Variants in SPAG16 observed in about 807,000 individuals in gnomAD.
The protein encoded by SPAG16 is sperm associated antigen 16.
SPAG16 carries 86 observed loss-of-function variants against 80.4 expected under a neutral mutation model. The observed-to-expected ratio is 1.07, with a 90% CI of 0.90 to 1.28. The LOEUF is 1.28. Among genes scored for constraint, SPAG16 ranks in the 50% most tolerant of loss-of-function variants. SPAG16 has a pLI of 0.00. For synonymous variants in SPAG16, 294 were observed against 265.9 expected (o/e 1.11, Z -1.03); for missense variants, 870 against 765.3 (o/e 1.14, Z -1.61).
chr2:214,185,164 A>G (rs1358531851), intron 15 of SPAG16, among the ~76,000 whole-genome samples: 1 of 152,136 alleles, frequency 6.6e-6, no homozygotes, highest in East Asian at 1.9e-4. Flanking sequence ...CTAGAGGCTC[A>G]CTGCTTTCTA....
intron 10 of SPAG16, among the ~76,000 whole-genome samples, chr2:213,572,953 T>C (rs962591210): frequency 9.2e-5 from 14 of 152,210 alleles, no homozygotes; most frequent in African/African-American, 3.4e-4. Context: ...CGCCGCTTTT[T>C]AAGCCGGTCT....
intron 15 of SPAG16, among the ~76,000 whole-genome samples, chr2:214,301,666 CTTT>C (rs1433309615): frequency 1.3e-5 from 2 of 151,954 alleles, no homozygotes; most frequent in African/African-American, 4.8e-5. Flanking sequence ...TTAGAATCTT[CTTT>C]ATTTCTTGGT....
chr2:213,287,844 C>T (rs1244277840), intron 1 of SPAG16, among the ~76,000 whole-genome samples: 1 of 152,118 alleles, frequency 6.6e-6, no homozygotes, highest in East Asian at 1.9e-4. Context: ...ATACTGAGGA[C>T]TGTAATTGAA....
chr2:213,341,722 T>C (rs1296462701), intron 6 of SPAG16, among the ~76,000 whole-genome samples: 1 of 152,000 alleles, frequency 6.6e-6, no homozygotes, highest in African/African-American at 2.4e-5. Context: ...AATTTTTTTG[T>C]AGTGATGGGG....
intron 11 of SPAG16, among the ~76,000 whole-genome samples, chr2:213,910,465 A>T (rs1243798654): frequency 6.6e-6 from 1 of 152,190 alleles, no homozygotes; most frequent in East Asian, 1.9e-4. Context: ...GGAAATAATT[A>T]AAAATTTGCT....
chr2:213,437,873 C>T (rs1034692795), intron 9 of SPAG16, among the ~76,000 whole-genome samples: 4 of 152,172 alleles, frequency 2.6e-5, no homozygotes, highest in African/African-American at 7.2e-5. Context: ...ATAGCTCTGT[C>T]GCTCTTAAAC....
At chr2:213,466,243 A>T (rs749752582) in intron 9 of SPAG16, among the ~76,000 whole-genome samples, 1 of 152,170 alleles carries the variant, frequency 6.6e-6, no homozygotes, top group Admixed American at 6.5e-5. Flanking sequence ...AGTCCCCTTT[A>T]TATATACATC....
intron 10 of SPAG16, among the ~76,000 whole-genome samples, chr2:213,700,070 T>A (rs1378270858): frequency 1.3e-5 from 2 of 152,204 alleles, no homozygotes; most frequent in Non-Finnish European, 2.9e-5. Flanking sequence ...TGTGGTAATA[T>A]ATTATCATAT....
intron 15 of SPAG16, chr2:214,280,784 T>C (rs1043230906): frequency 2.2e-6 from 1 of 457,174 alleles, no homozygotes; most frequent in African/African-American, 2.0e-5. Flanking sequence ...GATTCTCTCA[T>C]ATAGCAGCAT....
At chr2:213,887,239 T>G (rs371856089) in intron 11 of SPAG16, among the ~76,000 whole-genome samples, 124 of 152,222 alleles carry the variant, frequency 8.1e-4, no homozygotes, top group East Asian at 6.9e-3. Flanking sequence ...TCCATTCATG[T>G]TGTTTCTCTG....
At chr2:213,688,045 T>TTTTA (rs2064768097) in intron 10 of SPAG16, among the ~76,000 whole-genome samples, 1 of 152,158 alleles carries the variant, frequency 6.6e-6, no homozygotes, top group East Asian at 1.9e-4. Flanking sequence ...GAGACATCAA[T>TTTTA]CAAATACATT....
intron 10 of SPAG16, among the ~76,000 whole-genome samples, chr2:213,533,600 T>C (rs978844129): frequency 1.3e-5 from 2 of 152,194 alleles, no homozygotes; most frequent in African/African-American, 4.8e-5. Flanking sequence ...TGCCAATTTT[T>C]CTGTCTTTGA....
intron 14 of SPAG16, among the ~76,000 whole-genome samples, chr2:214,120,707 G>T (rs1274962754): frequency 2.0e-5 from 3 of 151,780 alleles, no homozygotes; most frequent in Non-Finnish European, 3.0e-5. Flanking sequence ...CTACTGTGCT[G>T]GATCCTACTT....
intron 10 of SPAG16, among the ~76,000 whole-genome samples, chr2:213,541,004 A>G (rs575080045): frequency 3.9e-5 from 6 of 152,396 alleles, no homozygotes; most frequent in African/African-American, 1.4e-4. Flanking sequence ...TAGAGTTACA[A>G]GTAAAGACTA....
chr2:213,584,586 T>G (rs1462107208), intron 10 of SPAG16, among the ~76,000 whole-genome samples: 2 of 135,818 alleles, frequency 1.5e-5, no homozygotes, highest in African/African-American at 5.5e-5. Context: ...GAAAAAGAAA[T>G]AAAGGAAAGG....
At chr2:213,640,830 G>A (rs1279617881) in intron 10 of SPAG16, among the ~76,000 whole-genome samples, 1 of 152,152 alleles carries the variant, frequency 6.6e-6, no homozygotes. Context: ...TTGGAGCAGG[G>A]TTGTTCTGTT....
chr2:213,939,301 C>G (rs925037373), intron 12 of SPAG16, among the ~76,000 whole-genome samples: 2 of 152,196 alleles, frequency 1.3e-5, no homozygotes, highest in Non-Finnish European at 2.9e-5. Flanking sequence ...GACCCTTGCC[C>G]TTGTGGAGCT....
At chr2:214,367,301 A>G (rs1246137116) in intron 15 of SPAG16, among the ~76,000 whole-genome samples, 2 of 152,216 alleles carry the variant, frequency 1.3e-5, no homozygotes, top group Non-Finnish European at 2.9e-5. Context: ...CTTCACATCT[A>G]TTATAACAAG....
intron 5 of SPAG16, among the ~76,000 whole-genome samples, chr2:213,323,211 C>T (rs1035116619): frequency 7.2e-5 from 11 of 152,206 alleles, no homozygotes; most frequent in African/African-American, 1.2e-4. Context: ...GAGGCCGAGG[C>T]GGGCAGATCA....
Sources: gnomAD v4.1 joint callset for allele counts (sites outside exome capture counted in the v4.1 genomes callset) on GRCh38, gnomAD v4.1.1 for gene constraint, MANE v1.5 for transcripts, NCBI Gene and HGNC (gene_info 2026-07-23, HGNC 2026-07-21) for gene names.